KANSL2: variants seen among roughly 807,000 people sequenced by gnomAD.
The protein encoded by KANSL2 is NSL complex protein NSL2.
Under a neutral mutation model 55.6 loss-of-function variants are expected in KANSL2, and 34 were observed. That is an observed-to-expected ratio of 0.61 (90% CI 0.46 to 0.81). The LOEUF is 0.81. Ranked by LOEUF, KANSL2 falls within the 40% of genes least tolerant of loss-of-function variation. The pLI, the probability that KANSL2 is intolerant of heterozygous loss-of-function variation, is 0.00. For missense variants in KANSL2, 502 were observed against 609.9 expected (o/e 0.82, Z 1.86); for synonymous variants, 209 against 214.3 (o/e 0.98, Z 0.22).
intron 1 of KANSL2, 179 bp from the exon 2 acceptor site, chr12:48,681,820 G>C: frequency 1.3e-6 from 1 of 762,086 alleles, no homozygotes; most frequent in Non-Finnish European, 2.3e-6. Context: ...CCTCCCTTTA[G>C]CGTGTCCCTC....
At chr12:48,654,839 G>T in intron 9 of KANSL2, 102 bp downstream of exon 9, 1 of 1,204,136 alleles carries the variant, frequency 8.3e-7, no homozygotes, top group Non-Finnish European at 1.2e-6. Flanking sequence ...TACTAGTGAT[G>T]ACACCCCACT....
At chr12:48,660,684 T>A in intron 7 of KANSL2, 65 bp from the exon 8 acceptor site, 1 of 1,495,638 alleles carries the variant, frequency 6.7e-7, no homozygotes, top group Non-Finnish European at 9.1e-7. Context: ...CAAATAGCAT[T>A]GTCTGCCACA....
Position 48,653,989 on chromosome 12 carries a change from T to C in KANSL2, c.*55A>G. On this transcript the variant is annotated 3_prime_UTR_variant, in exon 10 of 10. Transcript: ENST00000420613. Reference sequence around the variant, plus strand: ...TTTTGTGAGAGATGATCAGAAATACTTCTTTGAAGAACGAGAAATTTAAAT... The same window carrying C: ...TTTTGTGAGAGATGATCAGAAATACCTCTTTGAAGAACGAGAAATTTAAAT... 6.7e-7 allele frequency: 1 copy of C among 1,500,386 alleles called. No homozygotes were observed. The highest frequency in any genetic ancestry group is 2.3e-5 in the Admixed American group (1 of 43,136). The allele number at this position is 1,500,386 out of a possible 1,614,324, so 92.9% of individuals were successfully genotyped here. A position where few individuals can be genotyped will look rare whatever the true frequency, so the allele number is the denominator to read the frequency against.
At chr12:48,662,516 C>A in intron 7 of KANSL2, 2 of 1,206,744 alleles carry the variant, frequency 1.7e-6, no homozygotes, top group Non-Finnish European at 2.1e-6. Flanking sequence ...GCTTTCCTTT[C>A]AGATGGGGCA....
rs1939328468 is a variant in KANSL2 at position 48,653,933 on chromosome 12, A to T, written c.*111T>A. On this transcript the variant is annotated 3_prime_UTR_variant, in exon 10 of 10. Coordinates refer to ENST00000420613, the MANE Select transcript of KANSL2 (RefSeq NM_017822.4). ...CGTTTGACTATAATACTCAATCCAG[A>T]AGAAAAACAAGGTAGTCTGGGTTGC... The T allele has an allele frequency of 8.3e-7, 1 of 1,201,534 alleles. No individual in the cohort carries two copies. The highest frequency in any genetic ancestry group is 1.5e-5 in the African/African-American group (1 of 64,646). The allele number at this position is 1,201,534 out of a possible 1,614,324, so 74.4% of individuals were successfully genotyped here. A position where few individuals can be genotyped will look rare whatever the true frequency, so the allele number is the denominator to read the frequency against.
chr12:48,669,367 G>T, intron 5 of KANSL2, 95 bp from the exon 6 acceptor site: 1 of 987,910 alleles, frequency 1.0e-6, no homozygotes, highest in Non-Finnish European at 1.4e-6. Flanking sequence ...TTGGGCATAA[G>T]ATAGGCAGTT....
chr12:48,676,094 G>A (rs1269279649), intron 4 of KANSL2, among the ~76,000 whole-genome samples: 1 of 152,086 alleles, frequency 6.6e-6, no homozygotes, highest in Admixed American at 6.6e-5. Context: ...ATTAGATGTT[G>A]TAGACAAGCT....
intron 8 of KANSL2, chr12:48,656,881 A>G: frequency 2.6e-6 from 1 of 391,312 alleles, no homozygotes; most frequent in South Asian, 2.0e-5. Context: ...AATTAAAAAT[A>G]TCCAGGAGGT....
At chr12:48,671,425 T>C (rs1343350716) in intron 5 of KANSL2, among the ~76,000 whole-genome samples, 3 of 152,158 alleles carry the variant, frequency 2.0e-5, no homozygotes, top group African/African-American at 4.8e-5. Flanking sequence ...GGCCTTCCCA[T>C]TGACTCACCA....
intron 5 of KANSL2, among the ~76,000 whole-genome samples, chr12:48,670,768 A>G (rs1250170538): frequency 2.0e-5 from 3 of 151,618 alleles, no homozygotes; most frequent in Non-Finnish European, 2.9e-5. Context: ...CCAGGAGTTC[A>G]AGACTAACCT....
intron 7 of KANSL2, among the ~76,000 whole-genome samples, chr12:48,664,090 T>G (rs1011992248): frequency 6.6e-6 from 1 of 151,876 alleles, no homozygotes; most frequent in Non-Finnish European, 1.5e-5. Context: ...AATTTTTGTA[T>G]ATTTAGTAGA....
At chr12:48,658,076 C>T (rs2137176432) in intron 8 of KANSL2, among the ~76,000 whole-genome samples, 1 of 151,354 alleles carries the variant, frequency 6.6e-6, no homozygotes, top group Non-Finnish European at 1.5e-5. Flanking sequence ...ACTAAAAATA[C>T]AAAAATTAGC....
rs1199764601 is a variant in KANSL2, at chr12:48,668,981, T to C, written c.876+125A>G. 4 of 640,172 alleles carry C rather than the reference T, an allele frequency of 6.2e-6. No individual in the cohort carries two copies. In the African/African-American group the frequency reaches 7.6e-5, roughly 12 times the overall value. 39.7% of individuals were successfully genotyped at this position (640,172 alleles called of 1,614,324 possible). ...AAACTGGGAGGCAGAGGTTGAGAGA[T>C]CTCAGTGAGCCGACATCGCACCACT... On this transcript the variant is annotated intron_variant, in intron 6 of 9. Transcript: ENST00000420613.
intron 4 of KANSL2, among the ~76,000 whole-genome samples, chr12:48,673,818 G>C (rs1939772725): frequency 6.6e-6 from 1 of 151,972 alleles, no homozygotes; most frequent in African/African-American, 2.4e-5. Context: ...GGGCACGGTG[G>C]TGTATACCTG....
At chr12:48,662,677 G>A in intron 7 of KANSL2, 1 of 1,281,064 alleles carries the variant, frequency 7.8e-7, no homozygotes. Flanking sequence ...CTTAAGGAAG[G>A]GTAAGTGACT....
intron 7 of KANSL2, among the ~76,000 whole-genome samples, chr12:48,664,879 C>CTT (rs367566566): frequency 0.019 from 1,751 of 94,618 alleles, 107 homozygotes; most frequent in African/African-American, 0.059. Flanking sequence ...ACTGCGCCCG[C>CTT]TTTTTTTTTT....
In KANSL2 at chr12:48,662,517, A is replaced by G. The variant is rs553650509; in HGVS notation, c.974-1898T>C. ...ATCATCCTCCACCCGCTTTCCTTTC[A>G]GATGGGGCAAAAGAGGTAAAAAGAA... On this transcript the variant is annotated intron_variant, in intron 7 of 9. Transcript: ENST00000420613. 100 of 1,211,244 alleles carry G rather than the reference A, an allele frequency of 8.3e-5. No individual in the cohort carries two copies. In the African/African-American group the frequency reaches 1.5e-3, roughly 19 times the overall value. 75.0% of individuals were successfully genotyped at this position (1,211,244 alleles called of 1,614,324 possible).
At chr12:48,672,324 A>G (rs1476834199) in intron 4 of KANSL2, among the ~76,000 whole-genome samples, 1 of 149,736 alleles carries the variant, frequency 6.7e-6, no homozygotes, top group Non-Finnish European at 1.5e-5. Context: ...ACAGCTTTAA[A>G]GTGTTCAATT....
chr12:48,670,613 G>GT lies in KANSL2; in HGVS notation c.709+1185dup, dbSNP rs143725783. ...AAAAATTTTTGTACAGCTGTACAGTGTTTGTGTTTTAAGCTAAGTGTTATT... is the reference window on the plus strand; with the variant it reads ...AAAAATTTTTGTACAGCTGTACAGTGTTTTGTGTTTTAAGCTAAGTGTTATT... On this transcript the variant is annotated intron_variant, in intron 5 of 9. Transcript: ENST00000420613. 5.8e-3 allele frequency among the ~76,000 whole-genome samples: 890 copies of GT among 152,278 alleles called. 7 individuals are homozygous for GT. Among genetic ancestry groups the GT allele is most frequent in the African/African-American group, 0.02 (812 of 41,540 alleles).
Sources: gnomAD v4.1 joint callset for allele counts (sites outside exome capture counted in the v4.1 genomes callset) on GRCh38, gnomAD v4.1.1 for gene constraint, MANE v1.5 for transcripts, NCBI Gene and HGNC (gene_info 2026-07-23, HGNC 2026-07-21) for gene names.